Variants in PLCXD3 observed in about 807,000 individuals in gnomAD.
PLCXD3 encodes the protein PI-PLC X domain-containing protein 3.
Under a neutral mutation model 25.5 loss-of-function variants are expected in PLCXD3, and 19 were observed. The ratio of observed to expected loss-of-function variants is 0.75; its 90% CI spans 0.52 to 1.09. PLCXD3 has a LOEUF of 1.09. Ranked by LOEUF, PLCXD3 falls within the 50% of genes least tolerant of loss-of-function variation. PLCXD3 has a pLI of 0.00. For synonymous variants in PLCXD3, 174 were observed against 137.6 expected (o/e 1.26, Z -1.85); for missense variants, 411 against 388.1 (o/e 1.06, Z -0.50).
intron 1 of PLCXD3, among the ~76,000 whole-genome samples, chr5:41,501,591 A>G (rs1748951868): frequency 6.6e-6 from 1 of 152,088 alleles, no homozygotes; most frequent in African/African-American, 2.4e-5. Flanking sequence ...GTCATGCAAG[A>G]TGAAAAAGTT....
Position 41,312,207 on chromosome 5 carries a change from T to G in PLCXD3, c.*1410A>C, listed in dbSNP as rs894880344. The G allele has an allele frequency of 3.9e-5, 6 of 152,522 alleles. 1 individual carries two copies. The highest frequency in any genetic ancestry group is 7.4e-5 in the Non-Finnish European group (5 of 67,990). The allele number at this position is 152,522 out of a possible 1,614,324, so 9.4% of individuals were successfully genotyped here. On this transcript the variant is annotated 3_prime_UTR_variant, in exon 3 of 3. Transcript: ENST00000377801. Reference sequence around the variant, plus strand: ...AGACCCGGACTATTAAACGTTAGGTTGCAGAAACTTTGTGTGAAACTTTTG... The same window carrying G: ...AGACCCGGACTATTAAACGTTAGGTGGCAGAAACTTTGTGTGAAACTTTTG...
intron 2 of PLCXD3, among the ~76,000 whole-genome samples, chr5:41,331,171 T>C (rs868038756): frequency 1.3e-4 from 20 of 152,304 alleles, no homozygotes; most frequent in African/African-American, 3.6e-4. Context: ...TGTTTGCAGA[T>C]GACATGATTG....
intron 1 of PLCXD3, among the ~76,000 whole-genome samples, chr5:41,402,961 C>T (rs1162443571): frequency 6.6e-6 from 1 of 152,074 alleles, no homozygotes; most frequent in Non-Finnish European, 1.5e-5. Context: ...CTGACAATGT[C>T]TGCTTTTGAA....
chr5:41,358,398 C>T (rs748103969), intron 2 of PLCXD3, among the ~76,000 whole-genome samples: 7 of 152,142 alleles, frequency 4.6e-5, no homozygotes, highest in South Asian at 4.2e-4. Flanking sequence ...TTAGTGCACC[C>T]GTCGCCTGAG....
At chr5:41,406,802 T>A (rs1242480187) in intron 1 of PLCXD3, among the ~76,000 whole-genome samples, 1 of 152,194 alleles carries the variant, frequency 6.6e-6, no homozygotes, top group African/African-American at 2.4e-5. Flanking sequence ...GCCTCTAGAA[T>A]GGATTTAATC....
chr5:41,485,395 C>G (rs142466724), intron 1 of PLCXD3, among the ~76,000 whole-genome samples: 2,382 of 152,248 alleles, frequency 0.016, 62 homozygotes, highest in African/African-American at 0.055. Context: ...TCCTTACTTT[C>G]AGTTTGCCAA....
At position 41,312,550 on chromosome 5, in the gene PLCXD3, C is replaced by T. The variant is rs1243647768; in HGVS notation, c.*1067G>A. 1 of 151,290 alleles carries T rather than the reference C, an allele frequency of 6.6e-6. No individual in the cohort carries two copies. The highest frequency in any genetic ancestry group is 1.5e-5 in the Non-Finnish European group (1 of 67,788). 9.4% of individuals were successfully genotyped at this position (151,290 alleles called of 1,614,324 possible). The stretch of plus-strand genomic sequence containing the variant: ...TCTTTTTCTTCTTCCTTCCTCTCTT[C>T]CTCCCTCCCTCCCTCTCTTCCTCCC... On this transcript the variant is annotated 3_prime_UTR_variant, in exon 3 of 3. Coordinates refer to ENST00000377801, the MANE Select transcript of PLCXD3 (RefSeq NM_001005473.3).
At position 41,312,152 on chromosome 5, in the gene PLCXD3, C is replaced by A. The variant is rs1478070383; in HGVS notation, c.*1465G>T. On this transcript the variant is annotated 3_prime_UTR_variant, in exon 3 of 3. Coordinates refer to ENST00000377801, the MANE Select transcript of PLCXD3 (RefSeq NM_001005473.3). ...CACAATGACACGAAGGAGGAAGTAACGCTCAAGCTGTGTCATTGTTCTTCC... is the reference window on the plus strand; with the variant it reads ...CACAATGACACGAAGGAGGAAGTAAAGCTCAAGCTGTGTCATTGTTCTTCC... 1 of 151,584 alleles carries A rather than the reference C, an allele frequency of 6.6e-6. No individual in the cohort carries two copies. The highest frequency in any genetic ancestry group is 6.6e-5 in the Admixed American group (1 of 15,172). 9.4% of individuals were successfully genotyped at this position (151,584 alleles called of 1,614,324 possible). A position where few individuals can be genotyped will look rare whatever the true frequency, so the allele number is the denominator to read the frequency against.
At position 41,467,259 on chromosome 5, in the gene PLCXD3, C is replaced by T. The variant is rs141079661; in HGVS notation, c.103+43165G>A. On this transcript the variant is annotated intron_variant, in intron 1 of 2. Transcript: ENST00000377801. ...GTTAAAGCCATTCTAATAGGTGTGACGTGATATGTCAATGAGGTTTAAGTT... is the reference window on the plus strand; with the variant it reads ...GTTAAAGCCATTCTAATAGGTGTGATGTGATATGTCAATGAGGTTTAAGTT... Among the ~76,000 whole-genome samples the T allele has an allele frequency of 2.6e-5, 4 of 152,134 alleles. No homozygotes were observed. In the East Asian group the frequency reaches 5.8e-4, roughly 22 times the overall value.
intron 2 of PLCXD3, among the ~76,000 whole-genome samples, chr5:41,320,081 C>T (rs1341392126): frequency 6.6e-6 from 1 of 151,996 alleles, no homozygotes; most frequent in Non-Finnish European, 1.5e-5. Context: ...CCTGAACAGA[C>T]CAATAACAAG....
chr5:41,334,631 A>T (rs1281705215), intron 2 of PLCXD3, among the ~76,000 whole-genome samples: 2 of 152,202 alleles, frequency 1.3e-5, no homozygotes, highest in African/African-American at 4.8e-5. Flanking sequence ...AGTAATGCAG[A>T]CAAATCAAAG....
intron 1 of PLCXD3, among the ~76,000 whole-genome samples, chr5:41,503,731 C>CAGGA (rs1330611635): frequency 4.6e-5 from 7 of 152,128 alleles, no homozygotes; most frequent in Non-Finnish European, 8.8e-5. Context: ...GGTCCCCACT[C>CAGGA]TCCTAAGATT....
intron 2 of PLCXD3, among the ~76,000 whole-genome samples, chr5:41,374,562 C>T (rs1335373565): frequency 1.3e-5 from 2 of 152,040 alleles, no homozygotes; most frequent in South Asian, 2.1e-4. Context: ...CACAGACACA[C>T]GTACATATAT....
At chr5:41,445,277 T>G (rs1747467888) in intron 1 of PLCXD3, among the ~76,000 whole-genome samples, 1 of 152,348 alleles carries the variant, frequency 6.6e-6, no homozygotes, top group Admixed American at 6.5e-5. Context: ...TACCAATTTG[T>G]TATGTCCAGT....
chr5:41,375,667 A>G (rs1725198467), intron 2 of PLCXD3, among the ~76,000 whole-genome samples: 1 of 152,128 alleles, frequency 6.6e-6, no homozygotes, highest in East Asian at 1.9e-4. Context: ...AGGCAAAGCC[A>G]CACACTTCAA....
intron 1 of PLCXD3, among the ~76,000 whole-genome samples, chr5:41,407,158 T>G (rs1180482493): frequency 6.6e-6 from 1 of 152,152 alleles, no homozygotes; most frequent in Non-Finnish European, 1.5e-5. Context: ...AGGTTTCAAA[T>G]CTGGCTGATG....
chr5:41,377,817 T>C (rs1048240589), intron 2 of PLCXD3, among the ~76,000 whole-genome samples: 1 of 152,046 alleles, frequency 6.6e-6, no homozygotes. Flanking sequence ...TTAAAAATTG[T>C]AGAGAAACTA....
chr5:41,404,194 T>C lies in PLCXD3; in HGVS notation c.104-21660A>G, dbSNP rs1195879098. Among the ~76,000 whole-genome samples, 3 of 152,272 alleles carry C rather than the reference T, an allele frequency of 2.0e-5. No individual in the cohort carries two copies. The East Asian group carries it at 5.8e-4, about 29-fold the overall frequency. On this transcript the variant is annotated intron_variant, in intron 1 of 2. Transcript: ENST00000377801. ...AGTCAGTCAGTAACTCACTGTTTAA[T>C]ACTCGAGGATCATCAAACCTTCTAG...
intron 2 of PLCXD3, among the ~76,000 whole-genome samples, chr5:41,317,990 G>A (rs1312679819): frequency 6.6e-6 from 1 of 151,950 alleles, no homozygotes. Flanking sequence ...CTTAGAGAAA[G>A]ATATTAATAT....
Sources: allele counts gnomAD v4.1 joint callset (sites outside exome capture counted in the v4.1 genomes callset), GRCh38; gene constraint gnomAD v4.1.1; transcripts MANE v1.5; gene names NCBI Gene and HGNC (gene_info 2026-07-23, HGNC 2026-07-21).